Variants in GLT1D1 observed in about 807,000 individuals in gnomAD.
The protein encoded by GLT1D1 is glycosyltransferase 1 domain-containing protein 1.
In GLT1D1, 21 loss-of-function variants were observed where a neutral mutation model predicts 28.7. The observed-to-expected ratio is 0.73, with a 90% confidence interval of 0.52 to 1.05. The LOEUF is 1.05. Among genes scored for constraint, GLT1D1 ranks in the 50% least tolerant of loss-of-function variants. GLT1D1 has a pLI of 0.00. For synonymous variants in GLT1D1, 147 were observed against 124.8 expected (o/e 1.18, Z -1.19); for missense variants, 343 against 330.6 (o/e 1.04, Z -0.29).
chr12:128,948,682 T>C (rs1003356203), intron 6 of GLT1D1, among the ~76,000 whole-genome samples: 4 of 151,908 alleles, frequency 2.6e-5, no homozygotes, highest in Non-Finnish European at 4.4e-5. Context: ...GGGATATCCA[T>C]GTATCCCCTT....
intron 4 of GLT1D1, among the ~76,000 whole-genome samples, chr12:128,907,552 G>A (rs533872438): frequency 2.6e-4 from 39 of 152,170 alleles, no homozygotes; most frequent in African/African-American, 8.2e-4. Context: ...TGATCCACCC[G>A]CCTCAGCCTC....
intron 7 of GLT1D1, among the ~76,000 whole-genome samples, chr12:128,982,525 G>A (rs1226251639): frequency 1.3e-5 from 2 of 152,160 alleles, no homozygotes; most frequent in East Asian, 1.9e-4. Context: ...AGACTCTGGG[G>A]TAACACCTAA....
At chr12:128,945,515 G>A (rs763156151) in intron 5 of GLT1D1, 146 bp downstream of exon 9, 10 of 710,374 alleles carry the variant, frequency 1.4e-5, no homozygotes, top group Middle Eastern at 2.4e-4. Context: ...CGAGCCCGTG[G>A]CATCCTAGGC....
intron 4 of GLT1D1, among the ~76,000 whole-genome samples, chr12:128,900,929 C>T (rs539420281): frequency 7.9e-5 from 12 of 152,258 alleles, no homozygotes; most frequent in African/African-American, 2.9e-4. Context: ...AGCCACTGCA[C>T]CTGGCCTACC....
chr12:128,925,438 T>C (rs1873109681), intron 4 of GLT1D1, among the ~76,000 whole-genome samples: 1 of 152,230 alleles, frequency 6.6e-6, no homozygotes. Flanking sequence ...ATTCGGTTTT[T>C]AGTTTTCTCT....
intron 4 of GLT1D1, among the ~76,000 whole-genome samples, chr12:128,915,215 C>A (rs1253361086): frequency 2.0e-5 from 3 of 152,156 alleles, no homozygotes; most frequent in African/African-American, 7.2e-5. Context: ...GTTTTTAGCA[C>A]CTGCTTTCCA....
chr12:128,913,790 G>A (rs967592555), intron 4 of GLT1D1, among the ~76,000 whole-genome samples: 18 of 152,214 alleles, frequency 1.2e-4, no homozygotes, highest in African/African-American at 4.1e-4. Context: ...GAGGCAGCGC[G>A]TAGGTTTGAA....
intron 7 of GLT1D1, among the ~76,000 whole-genome samples, chr12:128,961,415 T>G (rs1362324237): frequency 2.6e-5 from 4 of 152,174 alleles, no homozygotes; most frequent in African/African-American, 9.7e-5. Flanking sequence ...TCAACCTAAG[T>G]GTCCATCAAC....
chr12:128,980,669 G>T (rs1463100068), intron 7 of GLT1D1, among the ~76,000 whole-genome samples: 1 of 152,206 alleles, frequency 6.6e-6, no homozygotes, highest in African/African-American at 2.4e-5. Flanking sequence ...TCCCCCAGGA[G>T]ACTAGCCCAG....
At chr12:128,883,560 A>C (rs1192150528) in intron 2 of GLT1D1, among the ~76,000 whole-genome samples, 2 of 147,806 alleles carry the variant, frequency 1.4e-5, no homozygotes, top group East Asian at 4.1e-4. Flanking sequence ...ACTGCACTCT[A>C]GCCTGGGCGA....
intron 4 of GLT1D1, among the ~76,000 whole-genome samples, chr12:128,916,876 T>C (rs1032638751): frequency 6.6e-6 from 1 of 152,260 alleles, no homozygotes. Flanking sequence ...TTTTCTTTGA[T>C]GGTTAGTGCT....
chr12:128,971,449 TCTCCCTCCATCCCTCCCTCTGC>T, intron 7 of GLT1D1, among the ~76,000 whole-genome samples: 1 of 72,192 alleles, frequency 1.4e-5, no homozygotes, highest in South Asian at 7.4e-4. Context: ...TCCCTTCCTC[TCTCCCTCCATCCCTCCCTCTGC>T]CTCCCTCCCT....
intron 7 of GLT1D1, among the ~76,000 whole-genome samples, chr12:128,960,697 C>T (rs1877845802): frequency 6.6e-6 from 1 of 151,490 alleles, no homozygotes; most frequent in African/African-American, 2.4e-5. Context: ...GGGGAGGTTG[C>T]AGTGAGCCGA....
chr12:128,863,184 A>G (rs914470995), intron 1 of GLT1D1, among the ~76,000 whole-genome samples: 6 of 152,124 alleles, frequency 3.9e-5, no homozygotes, highest in African/African-American at 1.4e-4. Context: ...GGACAGCCAC[A>G]TGGGAATAGG....
At chr12:128,966,107 T>G (rs1328496638) in intron 7 of GLT1D1, among the ~76,000 whole-genome samples, 4 of 152,218 alleles carry the variant, frequency 2.6e-5, no homozygotes, top group Non-Finnish European at 5.9e-5. Context: ...GGAGAAAACC[T>G]TACGTTTCTC....
At position 128,957,553 on chromosome 12, in the gene GLT1D1, T is replaced by A; in HGVS notation, c.549T>A (p.Asp183Glu). 6.2e-7 allele frequency: 1 copy of A among 1,611,900 alleles called. No individual in the cohort carries two copies. The highest frequency in any genetic ancestry group is 1.3e-5 in the African/African-American group (1 of 74,950). The stretch of plus-strand genomic sequence containing the variant: ...TCTCCTGTCTCCTCCAGGCAATGGA[T>A]TTAGAAGTACCGGTATTGGCCAGGA... Residue 183 changes from aspartate to glutamate, a missense_variant, in exon 7 of 8, where the codon GAT (aspartate) becomes GAA (glutamate). Asp to Glu is a conservative substitution (Grantham distance 45). Coordinates refer to ENST00000281703, the MANE Select transcript of GLT1D1 (RefSeq NM_144669.3).
chr12:128,905,534 C>T (rs1870761306), intron 4 of GLT1D1, among the ~76,000 whole-genome samples: 2 of 152,224 alleles, frequency 1.3e-5, no homozygotes. Context: ...TTATGATCGC[C>T]TACCTATCTC....
At chr12:128,867,857 C>G (rs967267164) in intron 1 of GLT1D1, among the ~76,000 whole-genome samples, 1 of 152,080 alleles carries the variant, frequency 6.6e-6, no homozygotes, top group South Asian at 2.1e-4. Flanking sequence ...GGGCAGAGGT[C>G]AATGGTCTGG....
intron 1 of GLT1D1, among the ~76,000 whole-genome samples, chr12:128,861,327 A>G (rs1390359142): frequency 6.6e-6 from 1 of 152,120 alleles, no homozygotes; most frequent in Admixed American, 6.6e-5. Flanking sequence ...ACCCAAAGGT[A>G]TTTCCTCTCT....
Sources: allele counts gnomAD v4.1 joint callset (sites outside exome capture counted in the v4.1 genomes callset), GRCh38; gene constraint gnomAD v4.1.1; transcripts MANE v1.5; gene names NCBI Gene and HGNC (gene_info 2026-07-23, HGNC 2026-07-21).